The following WWOX variants were observed in gnomAD, a reference collection of about 807,000 sequenced individuals.
WWOX encodes WW domain-containing oxidoreductase.
A neutral mutation model predicts 46.2 loss-of-function variants in WWOX; 69 were observed. The ratio of observed to expected loss-of-function variants is 1.49; its 90% CI spans 1.23 to 1.82. The LOEUF (loss-of-function observed/expected upper bound fraction) is 1.82. Among genes scored for constraint, WWOX ranks in the 40% most tolerant of loss-of-function variants. The pLI is 0.00. For missense variants in WWOX, 919 were observed against 542.6 expected, an observed-to-expected ratio of 1.69 and a Z score of -6.89; for synonymous variants, 359 against 202.6, an observed-to-expected ratio of 1.77 and a Z score of -6.56.
chr16:78,736,570 T>C (rs2049097038), intron 8 of WWOX, among the ~76,000 whole-genome samples: 1 of 149,212 alleles, frequency 6.7e-6, no homozygotes, highest in South Asian at 2.1e-4. Flanking sequence ...TTCTCTTCTC[T>C]TTCTTTCTTG....
intron 8 of WWOX, among the ~76,000 whole-genome samples, chr16:79,129,722 A>G (rs1430809926): frequency 2.0e-5 from 3 of 152,208 alleles, no homozygotes; most frequent in African/African-American, 7.2e-5. Flanking sequence ...ATTAAAATCT[A>G]AAGCCATTAA....
chr16:79,136,854 A>C (rs1000626430), intron 8 of WWOX, among the ~76,000 whole-genome samples: 3 of 152,202 alleles, frequency 2.0e-5, no homozygotes, highest in African/African-American at 7.2e-5. Context: ...AATATGTGTA[A>C]TCATATTTGT....
intron 8 of WWOX, among the ~76,000 whole-genome samples, chr16:78,746,614 G>C (rs145809888): frequency 6.6e-6 from 1 of 151,658 alleles, no homozygotes; most frequent in Non-Finnish European, 1.5e-5. Context: ...TTTTTCATGG[G>C]ATATTAGTCA....
chr16:78,571,401 A>G (rs1040328734), intron 8 of WWOX, among the ~76,000 whole-genome samples: 8 of 152,232 alleles, frequency 5.3e-5, no homozygotes, highest in African/African-American at 9.6e-5. Context: ...ACAGCTTAAC[A>G]GACACACATT....
At chr16:78,647,417 C>G (rs2046869199) in intron 8 of WWOX, among the ~76,000 whole-genome samples, 3 of 152,250 alleles carry the variant, frequency 2.0e-5, no homozygotes, top group African/African-American at 7.2e-5. Context: ...AGGTTTCTAT[C>G]ATTACACAGA....
intron 8 of WWOX, among the ~76,000 whole-genome samples, chr16:78,834,462 G>C (rs2051919832): frequency 1.3e-5 from 2 of 152,266 alleles, no homozygotes; most frequent in African/African-American, 4.8e-5. Context: ...TTTATTGAGA[G>C]GTGTATAGGT....
At chr16:78,465,624 T>C (rs908194796) in intron 8 of WWOX, among the ~76,000 whole-genome samples, 2 of 152,244 alleles carry the variant, frequency 1.3e-5, no homozygotes, top group Non-Finnish European at 2.9e-5. Context: ...CAGGAATGTG[T>C]TCATATTTTC....
chr16:79,181,376 A>G (rs1334590379), intron 8 of WWOX, among the ~76,000 whole-genome samples: 1 of 152,102 alleles, frequency 6.6e-6, no homozygotes. Context: ...TTTTGATATT[A>G]TTGTTGTTTT....
intron 5 of WWOX, among the ~76,000 whole-genome samples, chr16:78,335,502 C>T (rs1241459772): frequency 6.6e-6 from 1 of 151,990 alleles, no homozygotes; most frequent in East Asian, 1.9e-4. Flanking sequence ...ATATATGTAC[C>T]ATATTTTCTT....
intron 5 of WWOX, among the ~76,000 whole-genome samples, chr16:78,177,624 C>G (rs1007149064): frequency 6.6e-6 from 1 of 152,188 alleles, no homozygotes; most frequent in Non-Finnish European, 1.5e-5. Flanking sequence ...GGGCAGGCAG[C>G]TCCTCTATGA....
intron 8 of WWOX, among the ~76,000 whole-genome samples, chr16:78,467,761 G>A (rs966673475): frequency 6.6e-6 from 1 of 152,198 alleles, no homozygotes; most frequent in South Asian, 2.1e-4. Context: ...GCTTGAATTA[G>A]ACATTATAGC....
chr16:79,054,219 G>T, intron 8 of WWOX, among the ~76,000 whole-genome samples: 1 of 152,158 alleles, frequency 6.6e-6, no homozygotes. Flanking sequence ...CTGCAACGGG[G>T]AATCTTTCAG....
intron 8 of WWOX, among the ~76,000 whole-genome samples, chr16:79,138,652 C>T (rs1597409216): frequency 6.6e-6 from 1 of 152,188 alleles, no homozygotes; most frequent in African/African-American, 2.4e-5. Flanking sequence ...TAGAGGGGTC[C>T]TCCATGTACA....
intron 8 of WWOX, among the ~76,000 whole-genome samples, chr16:78,749,865 A>G (rs767607984): frequency 6.6e-6 from 1 of 152,204 alleles, no homozygotes; most frequent in Non-Finnish European, 1.5e-5. Context: ...CTGGGTGGTT[A>G]TTTAATACCA....
intron 8 of WWOX, among the ~76,000 whole-genome samples, chr16:78,695,505 C>T (rs36098204): frequency 0.055 from 8,399 of 152,192 alleles, 331 homozygotes; most frequent in Middle Eastern, 0.085. Context: ...GGGCGGTTAG[C>T]TGACTTCATC....
chr16:79,069,645 T>C (rs998164145), intron 8 of WWOX, among the ~76,000 whole-genome samples: 1 of 151,242 alleles, frequency 6.6e-6, no homozygotes, highest in Non-Finnish European at 1.5e-5. Context: ...GTTTCTGGAC[T>C]GAAAAAAAAT....
At chr16:78,410,346 A>G (rs533669378) in intron 6 of WWOX, among the ~76,000 whole-genome samples, 1 of 152,338 alleles carries the variant, frequency 6.6e-6, no homozygotes, top group African/African-American at 2.4e-5. Flanking sequence ...CACGGTCTGC[A>G]GCATGTCTTT....
At position 78,915,561 on chromosome 16, in the gene WWOX, TA is replaced by T. The variant is rs531943971; in HGVS notation, c.1057-296040del. Among the ~76,000 whole-genome samples, 777 of 152,212 alleles carry T rather than the reference TA, an allele frequency of 5.1e-3. 4 individuals carry two copies. Among genetic ancestry groups the T allele is most frequent in the Non-Finnish European group, 9.0e-3 (611 of 68,022 alleles). ...GCAGGGGACTGGGCATTTGAAGATT[TA>T]AAAAAATGAAAAATTGCACTGTGAC... On this transcript the variant is annotated intron_variant, in intron 8 of 8. Coordinates refer to ENST00000566780, the MANE Select transcript of WWOX (RefSeq NM_016373.4).
chr16:78,779,768 G>A (rs560889052), intron 8 of WWOX, among the ~76,000 whole-genome samples: 133 of 152,266 alleles, frequency 8.7e-4, no homozygotes, highest in Admixed American at 7.8e-3. Flanking sequence ...CAGCACGTTG[G>A]TGGCAGAGGT....
Sources: allele counts gnomAD v4.1 joint callset (sites outside exome capture counted in the v4.1 genomes callset), GRCh38; gene constraint gnomAD v4.1.1; transcripts MANE v1.5; gene names NCBI Gene and HGNC (gene_info 2026-07-23, HGNC 2026-07-21).